Variants in TAPBP observed in about 807,000 individuals in gnomAD.
TAPBP encodes the protein tapasin.
Under a neutral mutation model 45.7 loss-of-function variants are expected in TAPBP, and 38 were observed. That is an observed-to-expected ratio of 0.83 (90% confidence interval 0.64 to 1.09). The LOEUF is 1.09. Among genes scored for constraint, TAPBP ranks in the 50% least tolerant of loss-of-function variants. The pLI is 0.00. For synonymous variants in TAPBP, 226 were observed against 254.8 expected (o/e 0.89, Z 1.08); for missense variants, 513 against 587.3 (o/e 0.87, Z 1.31).
Position 33,313,371 on chromosome 6 carries a change from C to A in TAPBP, c.315G>T (p.Trp105Cys). Residue 105 changes from tryptophan (W) to cysteine (C), a missense_variant, in exon 3 of 8, where the codon TGG becomes TGT. Trp to Cys is a radical substitution (Grantham distance 215). Transcript: ENST00000434618. The surrounding 1 kb of genome is among the most constrained non-coding windows in gnomAD (Gnocchi z 7.2). ...RFVPLPASAK[W>C]ASGLTPAQNC... ...TCTGCGCGGGGGTCAGGCCGCTGGC[C>A]CATTTCGCAGAGGCGGGGAGAGGCA... is the stretch of plus-strand genomic sequence containing the variant. 6.2e-7 allele frequency: 1 copy of A among 1,613,020 alleles called. No individual in the cohort carries two copies.
rs561114462 is a variant in TAPBP, at chr6:33,304,854, C to G, written c.868+135G>C. The G allele has an allele frequency of 6.9e-5, 99 of 1,425,896 alleles. 1 individual carries two copies. In the East Asian group the frequency reaches 2.1e-3, roughly 30 times the overall value. The allele number at this position is 1,425,896 out of a possible 1,614,324, so 88.3% of individuals were successfully genotyped here. A position where few individuals can be genotyped will look rare whatever the true frequency, so the allele number is the denominator to read the frequency against. ...AAACTTCTAGCCTCCCATTACCCCT[C>G]TAACTCCCAGGAACCTCTTTCTATC... On this transcript the variant is annotated intron_variant, in intron 4 of 7. Transcript: ENST00000434618.
In TAPBP at chr6:33,313,008, T is replaced by C; in HGVS notation, c.469+209A>G. 1 of 415,284 alleles carries C rather than the reference T, an allele frequency of 2.4e-6. No homozygotes were observed. 25.7% of individuals were successfully genotyped at this position (415,284 alleles called of 1,614,324 possible). On this transcript the variant is annotated intron_variant, in intron 3 of 7. Coordinates refer to ENST00000434618, the MANE Select transcript of TAPBP (RefSeq NM_003190.5). The surrounding 1 kb of genome is among the most constrained non-coding windows in gnomAD (Gnocchi z 7.2). Reference sequence around the variant, plus strand: ...CCCCCTACCCCCTGCCAAGCTGCAGTTTTTTTTTTGTTTTTTTTTTTTAAC... The same window carrying C: ...CCCCCTACCCCCTGCCAAGCTGCAGCTTTTTTTTTGTTTTTTTTTTTTAAC...
chr6:33,305,417 G>A lies in TAPBP; in HGVS notation c.470-30C>T, dbSNP rs527410929. ...GGAAGACAGGGAGATGAGGGGTTGG[G>A]AGGGGCATGAGGGAGAGAAAGAAGG... On this transcript the variant is annotated intron_variant, in intron 3 of 7. Transcript: ENST00000434618. This position sits in a 1 kb window ranked among gnomAD's most constrained non-coding sequence, Gnocchi z 4.4. 6.7e-7 allele frequency: 1 copy of A among 1,497,626 alleles called. No homozygotes were observed. The highest frequency in any genetic ancestry group is 1.4e-5 in the African/African-American group (1 of 71,494). 92.8% of individuals were successfully genotyped at this position (1,497,626 alleles called of 1,614,324 possible). A position where few individuals can be genotyped will look rare whatever the true frequency, so the allele number is the denominator to read the frequency against.
At chr6:33,311,787 G>A (rs150612144) in intron 3 of TAPBP, among the ~76,000 whole-genome samples, 12 of 152,204 alleles carry the variant, frequency 7.9e-5, no homozygotes, top group East Asian at 7.7e-4. Context: ...AGGATTATCC[G>A]TGGCAAATAC....
At chr6:33,307,573 T>C (rs1168501727) in intron 3 of TAPBP, among the ~76,000 whole-genome samples, 1 of 152,016 alleles carries the variant, frequency 6.6e-6, no homozygotes, top group Non-Finnish European at 1.5e-5. Flanking sequence ...AGCTAATTTT[T>C]GTATTTTTGG....
At chr6:33,307,292 C>A (rs926424238) in intron 3 of TAPBP, among the ~76,000 whole-genome samples, 2 of 149,974 alleles carry the variant, frequency 1.3e-5, no homozygotes, top group Non-Finnish European at 3.0e-5. Flanking sequence ...CGTCTCAAAA[C>A]TAAATAAATA....
chr6:33,302,030 T>C (rs528626265), intron 7 of TAPBP, among the ~76,000 whole-genome samples: 1 of 152,292 alleles, frequency 6.6e-6, no homozygotes, highest in African/African-American at 2.4e-5. Flanking sequence ...CATTAGGCTA[T>C]TGAGCATTTG....
chr6:33,304,332 G>A lies in TAPBP; in HGVS notation c.1175C>T (p.Ser392Leu), dbSNP rs576739119. The A allele has an allele frequency of 2.0e-5, 32 of 1,608,140 alleles. No homozygotes were observed. Among genetic ancestry groups the A allele is most frequent in the East Asian group, 1.6e-4 (7 of 44,754 alleles). The change falls in exon 5 of 8, where the codon TCG becomes TTG. Residue 392 changes from serine (S) to leucine (L), a missense_variant. Coordinates refer to ENST00000434618, the MANE Select transcript of TAPBP (RefSeq NM_003190.5). ...CRIHHPSLPA[S>L]GRSAEVTLEV... Reference sequence around the variant, plus strand: ...CAGGGTGACCTCAGCGCTGCGCCCCGAGGCAGGCAGGCTGGGATGGTGAAT... The same window carrying A: ...CAGGGTGACCTCAGCGCTGCGCCCCAAGGCAGGCAGGCTGGGATGGTGAAT...
At chr6:33,312,256 G>C (rs1769400931) in intron 3 of TAPBP, among the ~76,000 whole-genome samples, 1 of 152,106 alleles carries the variant, frequency 6.6e-6, no homozygotes, top group Admixed American at 6.6e-5. Context: ...GGAGGTATAG[G>C]CAGAGGTGAG....
At chr6:33,303,905 TGAG>T in intron 7 of TAPBP, 47 bp downstream of exon 7, 8 of 1,613,822 alleles carry the variant, frequency 5.0e-6, no homozygotes, top group Non-Finnish European at 6.8e-6. Context: ...TGAGATAGGA[TGAG>T]GAGATAAAGT....
rs760619352 is a variant in TAPBP at position 33,313,957 on chromosome 6, C to T, written c.37+48G>A. On this transcript the variant is annotated intron_variant, in intron 1 of 7. Coordinates refer to ENST00000434618, the MANE Select transcript of TAPBP (RefSeq NM_003190.5). The surrounding 1 kb of genome is among the most constrained non-coding windows in gnomAD (Gnocchi z 7.2). ...CATCGGCTCCAGTGGGGCCACCTCC[C>T]TCCGCTTCCCTCTAGTTCTTGGGCG... 47 of 1,613,520 alleles carry T rather than the reference C, an allele frequency of 2.9e-5. No individual in the cohort carries two copies. Among genetic ancestry groups the T allele is most frequent in the African/African-American group, 5.3e-5 (4 of 74,922 alleles).
rs1230600399 is a variant in TAPBP, at chr6:33,305,218, C to T, written c.639G>A (p.Lys213=). ...GLEWRRQHLG[K]GHLLLAATPG... ...GAGTTGCAGCCAGGAGCAGATGTCC[C>T]TTACCCAGGTGCTGGCGTCGCCACT... is the stretch of plus-strand genomic sequence containing the variant. Residue 213 remains lysine, a synonymous_variant, in exon 4 of 8, where the codon AAG becomes AAA. Transcript: ENST00000434618. The surrounding 1 kb of genome is among the most constrained non-coding windows in gnomAD (Gnocchi z 4.4). The T allele has an allele frequency of 6.2e-7, 1 of 1,613,990 alleles. No homozygotes were observed.
rs1224162540 is a variant in TAPBP at position 33,313,954 on chromosome 6, TC to T, written c.37+50del. ...TGGCATCGGCTCCAGTGGGGCCACC[TC>T]CCTCCGCTTCCCTCTAGTTCTTGGG... is the stretch of plus-strand genomic sequence containing the variant. On this transcript the variant is annotated intron_variant, in intron 1 of 7. Transcript: ENST00000434618. The surrounding 1 kb of genome is among the most constrained non-coding windows in gnomAD (Gnocchi z 7.2). The T allele has an allele frequency of 6.2e-7, 1 of 1,613,426 alleles. No individual in the cohort carries two copies. The highest frequency in any genetic ancestry group is 8.5e-7 in the Non-Finnish European group (1 of 1,179,788).
chr6:33,311,535 G>A (rs186305313), intron 3 of TAPBP, among the ~76,000 whole-genome samples: 4 of 152,172 alleles, frequency 2.6e-5, no homozygotes, highest in South Asian at 4.1e-4. Flanking sequence ...GGCTGAGGCA[G>A]GAGAATTGCT....
Position 33,304,142 on chromosome 6 carries a change from G to A in TAPBP, c.1286C>T (p.Ala429Val). Residue 429 changes from alanine to valine, a missense_variant, in exon 6 of 8, where the codon GCA (alanine) becomes GTA (valine). Coordinates refer to ENST00000434618, the MANE Select transcript of TAPBP (RefSeq NM_003190.5). ...CTGACACTTACCAGCCCAGCCCAGT[G>A]CCTTGAAGAGCCCAAGCAGAAGAAA... ...SAFLLLGLFK[A>V]LGWAAVYLST... 1 of 1,613,442 alleles carries A rather than the reference G, an allele frequency of 6.2e-7. No homozygotes were observed. Among genetic ancestry groups the A allele is most frequent in the Non-Finnish European group, 8.5e-7 (1 of 1,179,852 alleles).
In TAPBP at chr6:33,304,378, C is replaced by T; in HGVS notation, c.1129G>A (p.Gly377Arg). 1 of 1,612,908 alleles carries T rather than the reference C, an allele frequency of 6.2e-7. No individual in the cohort carries two copies. Among genetic ancestry groups the T allele is most frequent in the African/African-American group, 1.3e-5 (1 of 75,022 alleles). ...QPPPVTTEQH[G>R]ARYACRIHHP... ...TGAATTCGACAGGCATAGCGTGCCC[C>T]ATGCTGCTCAGTGGTGACTGGGGGC... Residue 377 changes from glycine to arginine, a missense_variant, in exon 5 of 8, where the codon GGG (glycine) becomes AGG (arginine). Transcript: ENST00000434618.
intron 3 of TAPBP, among the ~76,000 whole-genome samples, chr6:33,310,727 G>C (rs962105941): frequency 6.6e-6 from 1 of 151,842 alleles, no homozygotes; most frequent in Admixed American, 6.6e-5. Flanking sequence ...ACTGAGGCAC[G>C]AGGATCACTT....
At chr6:33,302,956 A>G (rs1483229138) in intron 7 of TAPBP, among the ~76,000 whole-genome samples, 2 of 152,064 alleles carry the variant, frequency 1.3e-5, no homozygotes, top group Admixed American at 1.3e-4. Context: ...AATTTCTTAT[A>G]TTGTTTACAT....
intron 3 of TAPBP, among the ~76,000 whole-genome samples, chr6:33,311,840 T>C (rs545423267): frequency 3.9e-5 from 6 of 152,264 alleles, no homozygotes; most frequent in African/African-American, 9.6e-5. Context: ...CAGATCATCT[T>C]TGTGACCCTT....
Sources: gnomAD v4.1 joint callset for allele counts (sites outside exome capture counted in the v4.1 genomes callset) on GRCh38, gnomAD v4.1.1 for gene constraint, Gnocchi (gnomAD v3.1) non-coding constraint, MANE v1.5 for transcripts, NCBI Gene and HGNC (gene_info 2026-07-23, HGNC 2026-07-21) for gene names.